Variants in GLIS3 observed in about 807,000 individuals in gnomAD.
GLIS3 encodes the protein zinc finger protein GLIS3.
A neutral mutation model predicts 78.6 loss-of-function variants in GLIS3; 53 were observed. That is an observed-to-expected ratio of 0.67 (90% CI 0.54 to 0.85). GLIS3 has a LOEUF of 0.85. Ranked by LOEUF, GLIS3 falls within the 40% of genes least tolerant of loss-of-function variation. The pLI, the probability that GLIS3 is intolerant of heterozygous loss-of-function variation, is 0.00. For synonymous variants in GLIS3, 684 were observed against 509.9 expected (o/e 1.34, Z -4.60); for missense variants, 1,703 against 1,231.1 (o/e 1.38, Z -5.74).
chr9:4,201,800 C>G (rs1313066972), intron 2 of GLIS3, among the ~76,000 whole-genome samples: 2 of 152,252 alleles, frequency 1.3e-5, no homozygotes, highest in South Asian at 2.1e-4. Flanking sequence ...TCCTATTAAG[C>G]TAATAACTTC....
At chr9:4,132,370 A>T (rs1833042203) in intron 2 of GLIS3, among the ~76,000 whole-genome samples, 1 of 152,196 alleles carries the variant, frequency 6.6e-6, no homozygotes, top group Non-Finnish European at 1.5e-5. Flanking sequence ...TTTTTAATTA[A>T]TGTCTTCATT....
chr9:4,135,012 A>T (rs1586769589), intron 2 of GLIS3, among the ~76,000 whole-genome samples: 1 of 152,034 alleles, frequency 6.6e-6, no homozygotes, highest in Non-Finnish European at 1.5e-5. Flanking sequence ...CTTCCAACAC[A>T]TCCTCTATCA....
chr9:4,391,872 C>T, the GLIS3 span, among the ~76,000 whole-genome samples: 1 of 152,274 alleles, frequency 6.6e-6, no homozygotes, highest in Admixed American at 6.5e-5. Context: ...ACCAGAAATA[C>T]CATTTGGCCT....
the GLIS3 span, among the ~76,000 whole-genome samples, chr9:4,441,982 A>G: frequency 3.9e-3 from 598 of 152,204 alleles, 2 homozygotes; most frequent in African/African-American, 0.014. Flanking sequence ...AGTAAGGAAA[A>G]ATTTCCTGTT....
chr9:4,018,985 T>G (rs1311589810), intron 4 of GLIS3, among the ~76,000 whole-genome samples: 1 of 152,144 alleles, frequency 6.6e-6, no homozygotes, highest in East Asian at 1.9e-4. Flanking sequence ...TATTAAGGCA[T>G]GAGGTAACAG....
chr9:4,252,689 G>T (rs1343183215), intron 2 of GLIS3, among the ~76,000 whole-genome samples: 2 of 152,148 alleles, frequency 1.3e-5, no homozygotes, highest in Non-Finnish European at 2.9e-5. Context: ...GAGAAGAGGT[G>T]TTCTGGGTTT....
At chr9:4,186,906 G>C (rs1278458992) in intron 2 of GLIS3, among the ~76,000 whole-genome samples, 1 of 152,168 alleles carries the variant, frequency 6.6e-6, no homozygotes, top group African/African-American at 2.4e-5. Context: ...CCCTATGTCA[G>C]ATGAGTAGGT....
At chr9:3,924,283 T>C (rs1016216478) in intron 6 of GLIS3, among the ~76,000 whole-genome samples, 1 of 152,210 alleles carries the variant, frequency 6.6e-6, no homozygotes, top group African/African-American at 2.4e-5. Context: ...TAGACTGCTA[T>C]GGATTGCAGG....
intron 4 of GLIS3, among the ~76,000 whole-genome samples, chr9:3,959,463 C>T (rs1258426731): frequency 6.6e-6 from 1 of 152,152 alleles, no homozygotes; most frequent in African/African-American, 2.4e-5. Context: ...AATGTAATTC[C>T]TCTGACTAGA....
intron 2 of GLIS3, among the ~76,000 whole-genome samples, chr9:4,189,169 T>C (rs1458492164): frequency 6.6e-6 from 1 of 151,798 alleles, no homozygotes; most frequent in Non-Finnish European, 1.5e-5. Context: ...CTGCTTTGAA[T>C]GTGTCCCAGA....
At position 3,827,892 on chromosome 9, in the gene GLIS3, C is replaced by G. The variant is rs969544011; in HGVS notation, c.*380G>C. ...TCACTATGCCTCTCGTAATTGAGGT[C>G]TTTTTCCCTGTTTGGAGTTTTCAGG... is the stretch of plus-strand genomic sequence containing the variant. On this transcript the variant is annotated 3_prime_UTR_variant, in exon 11 of 11. Transcript: ENST00000381971. 5 of 317,036 alleles carry G rather than the reference C, an allele frequency of 1.6e-5. No homozygotes were observed. The highest frequency in any genetic ancestry group is 1.3e-4 in the Admixed American group (3 of 22,338). 19.6% of individuals were successfully genotyped at this position (317,036 alleles called of 1,614,324 possible).
At chr9:4,050,497 C>T (rs1041597074) in intron 4 of GLIS3, among the ~76,000 whole-genome samples, 2 of 152,046 alleles carry the variant, frequency 1.3e-5, no homozygotes, top group Non-Finnish European at 2.9e-5. Flanking sequence ...ACCTAATGTA[C>T]ATGACAATTT....
chr9:4,448,370 G>C, the GLIS3 span, among the ~76,000 whole-genome samples: 2 of 152,164 alleles, frequency 1.3e-5, no homozygotes, highest in African/African-American at 2.4e-5. Flanking sequence ...CCCATCCCAT[G>C]CTTGTGAGCA....
chr9:4,316,929 C>A (rs1817445877), intron 2 of GLIS3, among the ~76,000 whole-genome samples: 3 of 149,728 alleles, frequency 2.0e-5, no homozygotes, highest in South Asian at 4.2e-4. Flanking sequence ...TTGTTTATAT[C>A]CATTAGCCGT....
chr9:4,156,556 TTGGTCTGAATGGTGA>T (rs1564128711), intron 2 of GLIS3, among the ~76,000 whole-genome samples: 2 of 152,178 alleles, frequency 1.3e-5, no homozygotes, highest in African/African-American at 4.8e-5. Flanking sequence ...CAAAGTGTAT[TTGGTCTGAATGGTGA>T]ATTCAGGTCT....
chr9:3,843,542 A>T (rs1254842415), intron 9 of GLIS3, among the ~76,000 whole-genome samples: 3 of 152,214 alleles, frequency 2.0e-5, no homozygotes, highest in Non-Finnish European at 4.4e-5. Context: ...GGCTACCAGG[A>T]AGCCTGCCTT....
chr9:4,026,581 T>G (rs769124472), intron 4 of GLIS3, among the ~76,000 whole-genome samples: 5 of 152,194 alleles, frequency 3.3e-5, no homozygotes, highest in African/African-American at 4.8e-5. Flanking sequence ...GGAAAAAAAT[T>G]CATCTGCATA....
rs7022695 is a variant in GLIS3 at position 4,016,030 on chromosome 9, T to A, written c.1711-78841A>T. Among the ~76,000 whole-genome samples, 1,289 of 152,234 alleles carry A rather than the reference T, an allele frequency of 8.5e-3. 24 individuals carry two copies. Among genetic ancestry groups the A allele is most frequent in the African/African-American group, 0.03 (1,237 of 41,526 alleles). ...ACATGCCTGTGGAATTCAAAGGTTG[T>A]TTGTGGAAGGCTATTAAGCGTATAG... On this transcript the variant is annotated intron_variant, in intron 4 of 10. Coordinates refer to ENST00000381971, the MANE Select transcript of GLIS3 (RefSeq NM_001042413.2).
intron 2 of GLIS3, among the ~76,000 whole-genome samples, chr9:4,179,036 T>C (rs1234774692): frequency 1.3e-5 from 2 of 152,218 alleles, no homozygotes; most frequent in Non-Finnish European, 2.9e-5. Context: ...CAGACAGCCA[T>C]TCTGCAATCA....
Sources: allele counts gnomAD v4.1 joint callset (sites outside exome capture counted in the v4.1 genomes callset), GRCh38; gene constraint gnomAD v4.1.1; transcripts MANE v1.5; gene names NCBI Gene and HGNC (gene_info 2026-07-23, HGNC 2026-07-21).